Variants in PRDM15 observed in about 807,000 individuals in gnomAD.
PRDM15 encodes the protein PR/SET domain 15.
PRDM15 carries 64 observed loss-of-function variants against 128.6 expected under a neutral mutation model. The ratio of observed to expected loss-of-function variants is 0.50; its 90% CI spans 0.41 to 0.61. PRDM15 has a LOEUF of 0.61. Among genes scored for constraint, PRDM15 ranks in the 20% least tolerant of loss-of-function variants. The pLI, the probability that PRDM15 is intolerant of heterozygous loss-of-function variation, is 0.00. For missense variants in PRDM15, 1,242 were observed against 1,569.1 expected (o/e 0.79, Z 3.52); for synonymous variants, 615 against 621.8 (o/e 0.99, Z 0.16).
At chr21:41,816,640 A>G (rs1272569039) in intron 18 of PRDM15, among the ~76,000 whole-genome samples, 8 of 152,016 alleles carry the variant, frequency 5.3e-5, no homozygotes, top group Admixed American at 4.6e-4. Context: ...CTGTGATTCC[A>G]CCCTCACCAG....
At chr21:41,822,058 C>T (rs73903594) in intron 14 of PRDM15, 21 bp from the exon 15 acceptor site, 3 of 1,613,276 alleles carry the variant, frequency 1.9e-6, no homozygotes, top group East Asian at 4.5e-5. Flanking sequence ...GCCACCACTT[C>T]CGGTTTCTAA....
intron 6 of PRDM15, among the ~76,000 whole-genome samples, chr21:41,843,955 A>T (rs1226330633): frequency 6.8e-6 from 1 of 146,244 alleles, no homozygotes; most frequent in East Asian, 1.9e-4. Flanking sequence ...TATTGTAAAA[A>T]AAAAAAAAAA....
In PRDM15 at chr21:41,878,471, C is replaced by T. The variant is rs568593100; in HGVS notation, c.-10+799G>A. Among the ~76,000 whole-genome samples, 4 of 152,314 alleles carry T rather than the reference C, an allele frequency of 2.6e-5. 1 individual carries two copies. The South Asian group carries it at 6.2e-4, about 24-fold the overall frequency. On this transcript the variant is annotated intron_variant, in intron 1 of 23. Coordinates refer to ENST00000398548, the MANE Select transcript of PRDM15 (RefSeq NM_001040424.3). ...TTCATTTCTATTTTCTCAAGGCTAACCCCTGCGTGAACACCTCCCCTCTAG... is the reference window on the plus strand; with the variant it reads ...TTCATTTCTATTTTCTCAAGGCTAATCCCTGCGTGAACACCTCCCCTCTAG...
intron 11 of PRDM15, chr21:41,834,534 G>A (rs1199421042): frequency 1.3e-6 from 2 of 1,550,326 alleles, no homozygotes; most frequent in Admixed American, 2.0e-5. Context: ...ACTGCCGCCG[G>A]GCCCCCCCTC....
chr21:41,819,736 C>A (rs775723392), intron 17 of PRDM15, 35 bp from the exon 18 acceptor site: 21 of 1,572,190 alleles, frequency 1.3e-5, no homozygotes, highest in Non-Finnish European at 1.4e-5. Flanking sequence ...CAGAGCCGAG[C>A]AGCTCCGACC....
At chr21:41,868,958 G>C (rs1385088423) in intron 1 of PRDM15, among the ~76,000 whole-genome samples, 1 of 152,196 alleles carries the variant, frequency 6.6e-6, no homozygotes, top group Non-Finnish European at 1.5e-5. Context: ...AAAGTGCTGG[G>C]ATTCCAGGCA....
chr21:41,872,608 G>C (rs765294874), intron 1 of PRDM15, among the ~76,000 whole-genome samples: 2 of 152,176 alleles, frequency 1.3e-5, no homozygotes, highest in South Asian at 2.1e-4. Context: ...ATAGTGATCA[G>C]ATCAGGGGAA....
chr21:41,825,086 G>A (rs1019128612), intron 13 of PRDM15, among the ~76,000 whole-genome samples: 13 of 152,238 alleles, frequency 8.5e-5, no homozygotes, highest in Admixed American at 8.5e-4. Flanking sequence ...GAGCCCGCTT[G>A]GGAGCTGCTC....
chr21:41,804,450 G>A (rs986791745), intron 22 of PRDM15, 84 bp downstream of exon 22: 37 of 1,098,332 alleles, frequency 3.4e-5, no homozygotes, highest in African/African-American at 1.7e-4. Context: ...GCTCCCTCCC[G>A]GCCTGTCCAA....
chr21:41,873,166 G>A (rs1022053335), intron 1 of PRDM15, among the ~76,000 whole-genome samples: 9 of 152,310 alleles, frequency 5.9e-5, no homozygotes, highest in Admixed American at 2.0e-4. Flanking sequence ...CAGCCTGGGG[G>A]CGCCTGGTTC....
chr21:41,868,319 A>G (rs1165910071), intron 1 of PRDM15, among the ~76,000 whole-genome samples: 2 of 152,194 alleles, frequency 1.3e-5, no homozygotes, highest in Admixed American at 1.3e-4. Context: ...TTTTTTGTAC[A>G]TACGTTTTCA....
At chr21:41,807,017 A>T (rs374054305) in intron 21 of PRDM15, among the ~76,000 whole-genome samples, 1 of 137,528 alleles carries the variant, frequency 7.3e-6, no homozygotes, top group Non-Finnish European at 1.6e-5. Flanking sequence ...ACCATCACCA[A>T]CACCACCATC....
At chr21:41,807,360 C>G (rs1438929276) in intron 21 of PRDM15, among the ~76,000 whole-genome samples, 1 of 152,178 alleles carries the variant, frequency 6.6e-6, no homozygotes, top group Non-Finnish European at 1.5e-5. Flanking sequence ...TAAACTATAA[C>G]TAGTTTAACT....
chr21:41,819,822 T>TG (rs2062187892), intron 17 of PRDM15, 121 bp from the exon 18 acceptor site: 1 of 1,320,978 alleles, frequency 7.6e-7, no homozygotes, highest in Non-Finnish European at 1.0e-6. Flanking sequence ...GTAACAGGGG[T>TG]GGGGTCGCCT....
chr21:41,818,775 TTTAAAAAAAAAATAAAA>T (rs1194540814), intron 18 of PRDM15, among the ~76,000 whole-genome samples: 1 of 152,080 alleles, frequency 6.6e-6, no homozygotes, highest in Non-Finnish European at 1.5e-5. Context: ...AGGAAGTTGT[TTTAAAAAAAAAATAAAA>T]ACAGGAATGG....
chr21:41,863,083 C>T (rs770170693), intron 1 of PRDM15, among the ~76,000 whole-genome samples: 3 of 151,732 alleles, frequency 2.0e-5, no homozygotes, highest in Non-Finnish European at 2.9e-5. Flanking sequence ...GCAGGAGAAT[C>T]GCTTGAACCA....
At chr21:41,867,428 A>G (rs757410245) in intron 1 of PRDM15, 1 of 1,318,534 alleles carries the variant, frequency 7.6e-7, no homozygotes, top group Non-Finnish European at 1.1e-6. Flanking sequence ...CTTCAGCAGA[A>G]CAGGTGAAAC....
At chr21:41,858,472 C>G in intron 3 of PRDM15, among the ~76,000 whole-genome samples, 1 of 151,662 alleles carries the variant, frequency 6.6e-6, no homozygotes, top group Admixed American at 6.6e-5. Context: ...GAGCACAGGC[C>G]CCTCCGACAG....
intron 22 of PRDM15, among the ~76,000 whole-genome samples, chr21:41,803,477 C>T (rs541426164): frequency 2.6e-5 from 4 of 152,336 alleles, no homozygotes; most frequent in South Asian, 2.1e-4. Context: ...TCCTCTGAAC[C>T]GGGCCGGCTC....
Sources: gnomAD v4.1 joint callset for allele counts (sites outside exome capture counted in the v4.1 genomes callset) on GRCh38, gnomAD v4.1.1 for gene constraint, MANE v1.5 for transcripts, NCBI Gene and HGNC (gene_info 2026-07-23, HGNC 2026-07-21) for gene names.